Variants in CPLANE1 observed in about 807,000 individuals in gnomAD.
The protein encoded by CPLANE1 is ciliogenesis and planar polarity effector 1.
CPLANE1 carries 263 observed loss-of-function variants against 362.5 expected under a neutral mutation model. That is an observed-to-expected ratio of 0.73 (90% CI 0.66 to 0.80). CPLANE1 has a LOEUF of 0.80. CPLANE1 is among the 30% of genes least tolerant of loss of function. The pLI is 0.00. For missense variants in CPLANE1, 3,461 were observed against 3,793.4 expected, an observed-to-expected ratio of 0.91 and a Z score of 2.30; for synonymous variants, 1,212 against 1,302.6, an observed-to-expected ratio of 0.93 and a Z score of 1.50.
intron 24 of CPLANE1, 151 bp downstream of exon 24, chr5:37,186,135 T>C (rs1257713641): frequency 4.1e-6 from 2 of 483,606 alleles, no homozygotes; most frequent in South Asian, 3.7e-5. Context: ...CTTTCTGCAA[T>C]GGAGAAATGT....
intron 15 of CPLANE1, among the ~76,000 whole-genome samples, chr5:37,217,665 G>A (rs751350738): frequency 7.3e-5 from 11 of 150,172 alleles, no homozygotes; most frequent in Non-Finnish European, 1.6e-4. Context: ...TCTGTATAGG[G>A]TGCAGTGCTA....
chr5:37,167,141 T>C lies in CPLANE1; in HGVS notation c.7306A>G (p.Asn2436Asp). Residue 2436 changes from asparagine (N) to aspartate (D), a missense_variant, in exon 35 of 53, where the codon AAT becomes GAT. By Grantham distance (23) the Asn-to-Asp change is conservative (BLOSUM62 1). Coordinates refer to ENST00000651892, the MANE Select transcript of CPLANE1 (RefSeq NM_001384732.1). ...CCAGCATCACCTTGTTCAAATAAAT[T>C]ATGTGTTAGTTTCTGTTGGCTTTGT... ...FKQSQQKLTH[N>D]LFEQGDAGHL... 2 of 1,613,520 alleles carry C rather than the reference T, an allele frequency of 1.2e-6. No individual in the cohort carries two copies. Among genetic ancestry groups the C allele is most frequent in the Non-Finnish European group, 1.7e-6 (2 of 1,179,722 alleles).
At chr5:37,076,542 C>T in the CPLANE1 span, among the ~76,000 whole-genome samples, 1 of 151,936 alleles carries the variant, frequency 6.6e-6, no homozygotes, top group East Asian at 1.9e-4. Context: ...AAACTCCTGA[C>T]CTCAAGTGAT....
At chr5:37,208,727 G>A (rs1462979891) in intron 16 of CPLANE1, among the ~76,000 whole-genome samples, 2 of 146,806 alleles carry the variant, frequency 1.4e-5, no homozygotes, top group African/African-American at 5.1e-5. Flanking sequence ...CACCTCCTCA[G>A]AGAGCTACTC....
the CPLANE1 span, among the ~76,000 whole-genome samples, chr5:37,095,249 T>C: frequency 6.6e-6 from 1 of 152,194 alleles, no homozygotes; most frequent in African/African-American, 2.4e-5. Context: ...TCAAGTGGGT[T>C]TCATACCAGG....
intron 16 of CPLANE1, chr5:37,212,280 A>C (rs1398760480): frequency 6.4e-6 from 8 of 1,251,312 alleles, no homozygotes; most frequent in African/African-American, 6.0e-5. Flanking sequence ...GAGCTCAAAA[A>C]AGATGGTCCA....
In CPLANE1 at chr5:37,186,785, C is replaced by T. The variant is rs546015040; in HGVS notation, c.4081-391G>A. 3.3e-5 allele frequency among the ~76,000 whole-genome samples: 5 copies of T among 152,194 alleles called. No homozygotes were observed. The South Asian group carries it at 8.3e-4, about 25-fold the overall frequency. Reference sequence around the variant, plus strand: ...ATTAACTGTAGTCACTATAGCCCGGCGCGGTGGCTCACGCCTGTAATCCCA... The same window carrying T: ...ATTAACTGTAGTCACTATAGCCCGGTGCGGTGGCTCACGCCTGTAATCCCA... On this transcript the variant is annotated intron_variant, in intron 23 of 52. Coordinates refer to ENST00000651892, the MANE Select transcript of CPLANE1 (RefSeq NM_001384732.1).
At chr5:37,147,583 A>T (rs1026396926) in intron 43 of CPLANE1, among the ~76,000 whole-genome samples, 2 of 152,096 alleles carry the variant, frequency 1.3e-5, no homozygotes, top group African/African-American at 4.8e-5. Context: ...CCCAAAATAG[A>T]AGAAATAATA....
At chr5:37,152,408 G>A (rs1773829467) in intron 42 of CPLANE1, among the ~76,000 whole-genome samples, 2 of 151,972 alleles carry the variant, frequency 1.3e-5, no homozygotes, top group East Asian at 3.9e-4. Context: ...TCCTGGCCTC[G>A]AGTACCCAAC....
chr5:37,221,887 A>T (rs1015398650), intron 14 of CPLANE1, among the ~76,000 whole-genome samples: 11 of 152,202 alleles, frequency 7.2e-5, no homozygotes, highest in Admixed American at 5.2e-4. Context: ...ATCCAAAGAA[A>T]GCTGCAAATT....
Position 37,109,149 on chromosome 5 carries a change from G to A in CPLANE1, c.9401-678C>T, listed in dbSNP as rs538220081. Among the ~76,000 whole-genome samples the A allele has an allele frequency of 3.3e-5, 5 of 152,194 alleles. No homozygotes were observed. The South Asian group carries it at 8.3e-4, about 25-fold the overall frequency. On this transcript the variant is annotated intron_variant, in intron 51 of 52. Coordinates refer to ENST00000651892, the MANE Select transcript of CPLANE1 (RefSeq NM_001384732.1). The stretch of plus-strand genomic sequence containing the variant: ...TTTCATGAAGAAACACCCAAGACAT[G>A]GGACAAGATGGGAAGTAAATATAGA...
intron 32 of CPLANE1, among the ~76,000 whole-genome samples, chr5:37,170,741 T>C (rs1339343512): frequency 6.6e-6 from 1 of 152,028 alleles, no homozygotes; most frequent in African/African-American, 2.4e-5. Flanking sequence ...ATTGAGACCA[T>C]CCTAGCCAAC....
intron 38 of CPLANE1, among the ~76,000 whole-genome samples, chr5:37,162,258 T>G (rs544214590): frequency 6.6e-6 from 1 of 152,316 alleles, no homozygotes; most frequent in Admixed American, 6.5e-5. Context: ...CTATGGCAAT[T>G]TTGAAGAAAA....
rs1330924696 is a variant in CPLANE1 at position 37,153,733 on chromosome 5, A to C, written c.8373+7T>G. 6.3e-7 allele frequency: 1 copy of C among 1,599,132 alleles called. No individual in the cohort carries two copies. The highest frequency in any genetic ancestry group is 2.2e-5 in the East Asian group (1 of 44,494). On this transcript the variant is annotated splice_region_variant and intron_variant, in intron 42 of 52. Coordinates refer to ENST00000651892, the MANE Select transcript of CPLANE1 (RefSeq NM_001384732.1). ...CAAACAAAAAACTAAAAATAAAGGT[A>C]GTCTACCTTATCACAATGTAGATCT...
intron 50 of CPLANE1, among the ~76,000 whole-genome samples, chr5:37,117,520 T>A (rs1008988568): frequency 3.3e-5 from 5 of 152,062 alleles, no homozygotes; most frequent in African/African-American, 1.2e-4. Flanking sequence ...TCAGCGTGGA[T>A]GAACTAAAGA....
chr5:37,152,858 C>G (rs1361151372), intron 42 of CPLANE1, among the ~76,000 whole-genome samples: 1 of 151,918 alleles, frequency 6.6e-6, no homozygotes. Context: ...CACTGCACTC[C>G]AGCCTGGATA....
At chr5:37,239,424 A>C (rs1440061377) in intron 7 of CPLANE1, among the ~76,000 whole-genome samples, 1 of 151,946 alleles carries the variant, frequency 6.6e-6, no homozygotes, top group African/African-American at 2.4e-5. Flanking sequence ...CTACCAAAAA[A>C]ATACAAAAAT....
chr5:37,126,240 A>G (rs1393488509), intron 46 of CPLANE1, among the ~76,000 whole-genome samples: 1 of 152,164 alleles, frequency 6.6e-6, no homozygotes, highest in Non-Finnish European at 1.5e-5. Flanking sequence ...CTGTCTCAAA[A>G]AAACAAAAAA....
At chr5:37,095,329 A>G in the CPLANE1 span, among the ~76,000 whole-genome samples, 9 of 152,232 alleles carry the variant, frequency 5.9e-5, no homozygotes, top group African/African-American at 2.2e-4. Context: ...TTAAAAACAA[A>G]AATCACATAA....
Sources: allele counts gnomAD v4.1 joint callset (sites outside exome capture counted in the v4.1 genomes callset), GRCh38; gene constraint gnomAD v4.1.1; transcripts MANE v1.5; gene names NCBI Gene and HGNC (gene_info 2026-07-23, HGNC 2026-07-21).